IL12RB2: variants seen among roughly 807,000 people sequenced by gnomAD.
IL12RB2 encodes interleukin-12 receptor subunit beta-2.
IL12RB2 carries 82 observed loss-of-function variants against 89.4 expected under a neutral mutation model. The ratio of observed to expected loss-of-function variants is 0.92; its 90% CI spans 0.77 to 1.10. IL12RB2 has a LOEUF of 1.10. Among genes scored for constraint, IL12RB2 ranks in the 50% least tolerant of loss-of-function variants. The pLI, the probability that IL12RB2 is intolerant of heterozygous loss-of-function variation, is 0.00. For missense variants in IL12RB2, 963 were observed against 1,031.9 expected, an observed-to-expected ratio of 0.93 and a Z score of 0.92; for synonymous variants, 368 against 370.1, an observed-to-expected ratio of 0.99 and a Z score of 0.07.
chr1:67,365,057 A>T (rs1333460261), intron 10 of IL12RB2, among the ~76,000 whole-genome samples: 1 of 152,246 alleles, frequency 6.6e-6, no homozygotes. Flanking sequence ...TAAATAACAC[A>T]TTGGTCAAAG....
chr1:67,393,550 C>T (rs1465402345), intron 16 of IL12RB2, among the ~76,000 whole-genome samples: 1 of 152,240 alleles, frequency 6.6e-6, no homozygotes, highest in Non-Finnish European at 1.5e-5. Context: ...CCGAGCCAGA[C>T]CCACGTGCCA....
intron 15 of IL12RB2, among the ~76,000 whole-genome samples, chr1:67,389,349 A>T (rs2100273755): frequency 6.6e-6 from 1 of 152,342 alleles, no homozygotes; most frequent in African/African-American, 2.4e-5. Flanking sequence ...AAAAAAAAAA[A>T]AAATCAAAGC....
At chr1:67,386,993 A>AT (rs1477625058) in intron 15 of IL12RB2, among the ~76,000 whole-genome samples, 2 of 145,180 alleles carry the variant, frequency 1.4e-5, no homozygotes, top group East Asian at 2.1e-4. Context: ...CAATGGTGTG[A>AT]TTTTGGCTCA....
chr1:67,387,326 A>G (rs1395036462), intron 15 of IL12RB2, among the ~76,000 whole-genome samples: 1 of 152,122 alleles, frequency 6.6e-6, no homozygotes, highest in Non-Finnish European at 1.5e-5. Context: ...TAAACGCCCA[A>G]TGATAAGGGA....
intron 4 of IL12RB2, among the ~76,000 whole-genome samples, chr1:67,323,994 G>C (rs1656939998): frequency 1.3e-5 from 2 of 152,116 alleles, no homozygotes; most frequent in South Asian, 4.1e-4. Context: ...TGGCTTGCAA[G>C]TTTGAAATTT....
At chr1:67,362,760 T>C (rs1222472695) in intron 10 of IL12RB2, among the ~76,000 whole-genome samples, 1 of 152,076 alleles carries the variant, frequency 6.6e-6, no homozygotes, top group Non-Finnish European at 1.5e-5. Flanking sequence ...AAGAAATTTG[T>C]TGCCAGCAGA....
At chr1:67,344,207 C>T (rs1388362795) in intron 9 of IL12RB2, among the ~76,000 whole-genome samples, 1 of 152,192 alleles carries the variant, frequency 6.6e-6, no homozygotes, top group Non-Finnish European at 1.5e-5. Flanking sequence ...ATAAGCAAGC[C>T]ACAAATGGGA....
intron 16 of IL12RB2, among the ~76,000 whole-genome samples, chr1:67,392,287 C>T (rs970386797): frequency 6.6e-6 from 1 of 151,964 alleles, no homozygotes; most frequent in Admixed American, 6.6e-5. Context: ...TAAAGGTGCA[C>T]CAGGATGCAA....
At chr1:67,334,515 G>A (rs1275002547) in intron 8 of IL12RB2, among the ~76,000 whole-genome samples, 1 of 152,202 alleles carries the variant, frequency 6.6e-6, no homozygotes, top group African/African-American at 2.4e-5. Flanking sequence ...GTCTGGCTCT[G>A]TCACCCATGC....
rs1657352985 is a variant in IL12RB2 at position 67,326,808 on chromosome 1, A to G, written c.438A>G (p.Glu146=). Reference sequence around the variant, plus strand: ...AGGGGACTGTGGCCTGCACCTGGGAAAGAGGACGAGACACCCACTTATACA... The same window carrying G: ...AGGGGACTGTGGCCTGCACCTGGGAGAGAGGACGAGACACCCACTTATACA... The part of the protein sequence containing the change: ...GEQGTVACTW[E]RGRDTHLYTE... The change falls in exon 5 of 17, where the codon GAA becomes GAG. Residue 146 remains glutamate, a synonymous_variant. Transcript: ENST00000674203. The G allele has an allele frequency of 6.2e-7, 1 of 1,613,812 alleles. No individual in the cohort carries two copies. Among genetic ancestry groups the G allele is most frequent in the South Asian group, 1.1e-5 (1 of 91,064 alleles).
At chr1:67,314,456 G>A (rs1398852494) in intron 2 of IL12RB2, among the ~76,000 whole-genome samples, 1 of 152,136 alleles carries the variant, frequency 6.6e-6, no homozygotes, top group Non-Finnish European at 1.5e-5. Flanking sequence ...AATCGTCACC[G>A]TAACTTTGTC....
At chr1:67,377,606 C>T (rs1051674846) in intron 13 of IL12RB2, among the ~76,000 whole-genome samples, 10 of 152,114 alleles carry the variant, frequency 6.6e-5, no homozygotes, top group Non-Finnish European at 1.5e-4. Context: ...CTTTACCCCT[C>T]CTTTCACATG....
At chr1:67,315,642 G>A (rs769296791) in intron 2 of IL12RB2, among the ~76,000 whole-genome samples, 1 of 152,124 alleles carries the variant, frequency 6.6e-6, no homozygotes, top group Non-Finnish European at 1.5e-5. Context: ...GGACATGGGA[G>A]ACATGAAAAA....
intron 9 of IL12RB2, among the ~76,000 whole-genome samples, chr1:67,347,532 A>G (rs1660374645): frequency 6.6e-6 from 1 of 152,190 alleles, no homozygotes; most frequent in Non-Finnish European, 1.5e-5. Context: ...TTAATGCTGA[A>G]AGCTTTTTCA....
intron 13 of IL12RB2, among the ~76,000 whole-genome samples, chr1:67,375,409 A>G (rs1326525507): frequency 6.6e-6 from 1 of 152,186 alleles, no homozygotes; most frequent in Non-Finnish European, 1.5e-5. Flanking sequence ...AGTGAAAAAT[A>G]AAAAGGAAAA....
intron 15 of IL12RB2, among the ~76,000 whole-genome samples, chr1:67,387,240 T>C (rs1665299392): frequency 6.6e-6 from 1 of 151,934 alleles, no homozygotes; most frequent in African/African-American, 2.4e-5. Context: ...TATTCTATTA[T>C]AGATGTCTGC....
At chr1:67,314,402 C>T (rs574117132) in intron 2 of IL12RB2, among the ~76,000 whole-genome samples, 149 of 152,290 alleles carry the variant, frequency 9.8e-4, no homozygotes, top group African/African-American at 3.4e-3. Context: ...TAAGTATTCT[C>T]ATGAATCCAT....
In IL12RB2 at chr1:67,350,941, G is replaced by A. The variant is rs765032747; in HGVS notation, c.1110G>A (p.Gly370=). The change falls in exon 10 of 17, where the codon GGG becomes GGA. Residue 370 remains glycine (G), a synonymous_variant. Transcript: ENST00000674203. ...YQVTLQELTG[G]KAMTQNITGH... is the part of the protein sequence containing the mutation. Reference sequence around the variant, plus strand: ...TGACCTTGCAGGAGCTGACAGGAGGGAAAGCCATGACACAGAACATCACAG... The same window carrying A: ...TGACCTTGCAGGAGCTGACAGGAGGAAAAGCCATGACACAGAACATCACAG... 5.0e-6 allele frequency: 8 copies of A among 1,614,126 alleles called. No homozygotes were observed. Among genetic ancestry groups the A allele is most frequent in the Non-Finnish European group, 6.8e-6 (8 of 1,179,992 alleles).
At chr1:67,371,347 A>G (rs917206892) in intron 11 of IL12RB2, among the ~76,000 whole-genome samples, 2 of 152,122 alleles carry the variant, frequency 1.3e-5, no homozygotes, top group East Asian at 3.9e-4. Context: ...ATATTTAATG[A>G]GCAATGGATT....
Sources: allele counts gnomAD v4.1 joint callset (sites outside exome capture counted in the v4.1 genomes callset), GRCh38; gene constraint gnomAD v4.1.1; transcripts MANE v1.5; gene names NCBI Gene and HGNC (gene_info 2026-07-23, HGNC 2026-07-21).